PAPSS2: variants seen among roughly 807,000 people sequenced by gnomAD.
PAPSS2 encodes the protein bifunctional 3'-phosphoadenosine 5'-phosphosulfate synthase 2.
PAPSS2 carries 61 observed loss-of-function variants against 66.5 expected under a neutral mutation model. The observed-to-expected ratio is 0.92, with a 90% confidence interval of 0.75 to 1.14. The LOEUF is 1.14. Among genes scored for constraint, PAPSS2 ranks in the 50% most tolerant of loss-of-function variants. PAPSS2 has a pLI of 0.00. For missense variants in PAPSS2, 708 were observed against 789.6 expected, an observed-to-expected ratio of 0.90 and a Z score of 1.24; for synonymous variants, 289 against 287.5, an observed-to-expected ratio of 1.01 and a Z score of -0.05.
At chr10:87,674,474 T>C (rs892054641) in intron 1 of PAPSS2, among the ~76,000 whole-genome samples, 1 of 152,220 alleles carries the variant, frequency 6.6e-6, no homozygotes, top group Non-Finnish European at 1.5e-5. Flanking sequence ...CAGTAATTTT[T>C]TTTTTATAAC....
chr10:87,698,084 G>A (rs963175577), intron 1 of PAPSS2, among the ~76,000 whole-genome samples: 1 of 152,178 alleles, frequency 6.6e-6, no homozygotes, highest in African/African-American at 2.4e-5. Flanking sequence ...AAAAGATGCC[G>A]TAAGTATGAC....
intron 1 of PAPSS2, among the ~76,000 whole-genome samples, chr10:87,702,704 C>T (rs901229802): frequency 7.9e-5 from 12 of 152,014 alleles, no homozygotes; most frequent in Non-Finnish European, 1.5e-4. Context: ...TTCAAGGGCA[C>T]GTGCTTGTTT....
chr10:87,699,427 C>T (rs1476455689), intron 1 of PAPSS2, among the ~76,000 whole-genome samples: 2 of 152,190 alleles, frequency 1.3e-5, no homozygotes, highest in Non-Finnish European at 2.9e-5. Context: ...GGATTATAGG[C>T]ATGAGTTGCC....
In PAPSS2 at chr10:87,706,108, A is replaced by ATATGTG; in HGVS notation, c.28-3087_28-3086insATGTGT. Among the ~76,000 whole-genome samples, 23 of 52,008 alleles carry ATATGTG rather than the reference A, an allele frequency of 4.4e-4. 1 individual carries two copies. The highest frequency in any genetic ancestry group is 7.0e-4 in the African/African-American group (7 of 10,004). The allele number at this position is 52,008 out of a possible 152,430, so 34.1% of individuals were successfully genotyped here. A position where few individuals can be genotyped will look rare whatever the true frequency, so the allele number is the denominator to read the frequency against. The stretch of plus-strand genomic sequence containing the variant: ...GGTATATATATATATATATATATAT[A>ATATGTG]TGTGTGTGTGTGTGTGTGTGTGTGT... On this transcript the variant is annotated intron_variant, in intron 1 of 12. Coordinates refer to ENST00000456849, the MANE Select transcript of PAPSS2 (RefSeq NM_001015880.2).
intron 9 of PAPSS2, among the ~76,000 whole-genome samples, chr10:87,737,335 A>G (rs1252239661): frequency 6.6e-6 from 1 of 152,160 alleles, no homozygotes; most frequent in Non-Finnish European, 1.5e-5. Context: ...ACCTCAGTGA[A>G]ATAAATCCTC....
chr10:87,726,594 C>T (rs1376219726), intron 8 of PAPSS2, among the ~76,000 whole-genome samples: 1 of 151,966 alleles, frequency 6.6e-6, no homozygotes, highest in East Asian at 1.9e-4. Flanking sequence ...TTATGCACCC[C>T]ATAAGCATAT....
At position 87,676,872 on chromosome 10, in the gene PAPSS2, C is replaced by CAAAAA. The variant is rs71019493; in HGVS notation, c.27+16899_27+16903dup. On this transcript the variant is annotated intron_variant, in intron 1 of 12. Transcript: ENST00000456849. Reference sequence around the variant, plus strand: ...TGGATGACAGAATGAGACCCTGTCTCAAAAAAAAAAAAAAAAAAAAAAAAA... The same window carrying CAAAAA: ...TGGATGACAGAATGAGACCCTGTCTCAAAAAAAAAAAAAAAAAAAAAAAAAAAAAA... 6.1e-4 allele frequency among the ~76,000 whole-genome samples: 19 copies of CAAAAA among 31,368 alleles called. 1 individual carries two copies. The highest frequency in any genetic ancestry group is 7.6e-4 in the African/African-American group (7 of 9,188). The allele number at this position is 31,368 out of a possible 152,430, so 20.6% of individuals were successfully genotyped here.
intron 1 of PAPSS2, among the ~76,000 whole-genome samples, chr10:87,685,944 A>G (rs908441906): frequency 6.6e-6 from 1 of 152,136 alleles, no homozygotes; most frequent in Admixed American, 6.5e-5. Context: ...GGACCATCTT[A>G]GAGCAGTGCA....
chr10:87,730,193 T>G (rs541122974), intron 9 of PAPSS2, among the ~76,000 whole-genome samples: 34 of 152,238 alleles, frequency 2.2e-4, no homozygotes, highest in African/African-American at 7.7e-4. Flanking sequence ...AAAAGGCAAC[T>G]GACAAAAGGC....
intron 11 of PAPSS2, 88 bp from the exon 12 acceptor site, chr10:87,744,908 ATTACTT>A (rs1853916705): frequency 2.8e-6 from 3 of 1,056,772 alleles, no homozygotes; most frequent in South Asian, 1.3e-5. Flanking sequence ...ACATTGCTGA[ATTACTT>A]TTAAAGTAGA....
intron 1 of PAPSS2, among the ~76,000 whole-genome samples, chr10:87,694,842 G>A (rs938564686): frequency 6.6e-6 from 1 of 152,350 alleles, no homozygotes; most frequent in South Asian, 2.1e-4. Context: ...GGGGCTCTGG[G>A]CCAGGCAGGG....
intron 1 of PAPSS2, among the ~76,000 whole-genome samples, chr10:87,670,024 T>G (rs996005535): frequency 6.6e-6 from 1 of 152,228 alleles, no homozygotes; most frequent in African/African-American, 2.4e-5. Flanking sequence ...CCCCAGCACT[T>G]TTATTAAAAA....
At chr10:87,687,171 G>A (rs759888876) in intron 1 of PAPSS2, among the ~76,000 whole-genome samples, 3 of 152,140 alleles carry the variant, frequency 2.0e-5, no homozygotes, top group Non-Finnish European at 4.4e-5. Flanking sequence ...GGAGCTGCAG[G>A]CCTTGTGTGT....
At chr10:87,701,404 T>TTCTCTTTCTTTC (rs1853313892) in intron 1 of PAPSS2, among the ~76,000 whole-genome samples, 2 of 57,862 alleles carry the variant, frequency 3.5e-5, no homozygotes, top group Non-Finnish European at 5.9e-5. Flanking sequence ...TTCTCTTTCT[T>TTCTCTTTCTTTC]TCTCTCTCTC....
At chr10:87,679,256 G>A (rs1852986802) in intron 1 of PAPSS2, among the ~76,000 whole-genome samples, 1 of 152,122 alleles carries the variant, frequency 6.6e-6, no homozygotes, top group Non-Finnish European at 1.5e-5. Context: ...AGAGTAGAAT[G>A]ATACATACTA....
intron 1 of PAPSS2, among the ~76,000 whole-genome samples, chr10:87,685,747 T>C (rs1045163738): frequency 2.6e-5 from 4 of 152,180 alleles, no homozygotes; most frequent in African/African-American, 9.7e-5. Context: ...AACATTCAGG[T>C]AGAGGCTACA....
rs141897669 is a variant in PAPSS2 at position 87,679,955 on chromosome 10, G to C, written c.27+19947G>C. ...GTGGGAGTATCGCTTGAGACTCGAA[G>C]GTCAAGGCTGCAGTGAGCCACCATG... is the stretch of plus-strand genomic sequence containing the variant. On this transcript the variant is annotated intron_variant, in intron 1 of 12. Coordinates refer to ENST00000456849, the MANE Select transcript of PAPSS2 (RefSeq NM_001015880.2). 2.6e-5 allele frequency among the ~76,000 whole-genome samples: 4 copies of C among 151,766 alleles called. No individual in the cohort carries two copies. The East Asian group carries it at 7.8e-4, about 29-fold the overall frequency.
intron 1 of PAPSS2, among the ~76,000 whole-genome samples, chr10:87,669,085 C>T (rs932074378): frequency 2.6e-5 from 4 of 152,120 alleles, no homozygotes; most frequent in Admixed American, 2.6e-4. Context: ...TGTAACTTGA[C>T]CGTTTTGAAA....
At chr10:87,726,433 TA>T (rs1395131476) in intron 8 of PAPSS2, among the ~76,000 whole-genome samples, 1 of 152,108 alleles carries the variant, frequency 6.6e-6, no homozygotes, top group East Asian at 1.9e-4. Context: ...TGTCTAAAAA[TA>T]AAGTAAAATA....
Sources: gnomAD v4.1 joint callset for allele counts (sites outside exome capture counted in the v4.1 genomes callset) on GRCh38, gnomAD v4.1.1 for gene constraint, MANE v1.5 for transcripts, NCBI Gene and HGNC (gene_info 2026-07-23, HGNC 2026-07-21) for gene names.